ATRNL1: variants seen among roughly 807,000 people sequenced by gnomAD.
ATRNL1 encodes the protein attractin like 1.
Under a neutral mutation model 182.7 loss-of-function variants are expected in ATRNL1, and 95 were observed. The ratio of observed to expected loss-of-function variants is 0.52; its 90% confidence interval spans 0.44 to 0.62. The LOEUF is 0.62. Ranked by LOEUF, ATRNL1 falls within the 20% of genes least tolerant of loss-of-function variation. The pLI is 0.00. For missense variants in ATRNL1, 1,471 were observed against 1,679.5 expected (o/e 0.88, Z 2.17); for synonymous variants, 576 against 568.3 (o/e 1.01, Z -0.19).
chr10:115,430,095 C>T (rs1455779170), intron 21 of ATRNL1, among the ~76,000 whole-genome samples: 1 of 151,974 alleles, frequency 6.6e-6, no homozygotes, highest in Non-Finnish European at 1.5e-5. Flanking sequence ...AAAAAGTTTT[C>T]CATTCTATAT....
intron 27 of ATRNL1, among the ~76,000 whole-genome samples, chr10:115,845,247 C>A (rs1950900706): frequency 6.6e-6 from 1 of 151,902 alleles, no homozygotes; most frequent in Non-Finnish European, 1.5e-5. Context: ...AGTATAATCT[C>A]CTTTTATATA....
chr10:115,561,270 G>A (rs1485751682), intron 26 of ATRNL1, among the ~76,000 whole-genome samples: 1 of 152,120 alleles, frequency 6.6e-6, no homozygotes. Flanking sequence ...ATCTACATAT[G>A]CAAAGGACTC....
intron 26 of ATRNL1, among the ~76,000 whole-genome samples, chr10:115,568,689 T>C (rs1854210555): frequency 6.6e-6 from 1 of 151,946 alleles, no homozygotes; most frequent in Non-Finnish European, 1.5e-5. Context: ...GAAATTTGAT[T>C]TTGGAGTGTT....
chr10:115,344,468 A>AG (rs1855889690), intron 19 of ATRNL1, among the ~76,000 whole-genome samples: 1 of 152,058 alleles, frequency 6.6e-6, no homozygotes, highest in Admixed American at 6.6e-5. Context: ...TTAAGGCCTA[A>AG]GGGCTCTTAA....
intron 26 of ATRNL1, among the ~76,000 whole-genome samples, chr10:115,670,031 G>C (rs75687699): frequency 6.6e-6 from 1 of 152,060 alleles, no homozygotes; most frequent in South Asian, 2.1e-4. Flanking sequence ...AATACTTTGA[G>C]AGGGATTATA....
rs537038872 is a variant in ATRNL1, at chr10:115,882,845, T to C, written c.4018+34854T>C. Among the ~76,000 whole-genome samples, 5 of 152,348 alleles carry C rather than the reference T, an allele frequency of 3.3e-5. No homozygotes were observed. The East Asian group carries it at 7.7e-4, about 24-fold the overall frequency. ...CTACAGGTACTTCACCCTTGCCATA[T>C]AGCAAGCTTTTAGTGCTCCCTGCCT... On this transcript the variant is annotated intron_variant, in intron 28 of 28. Transcript: ENST00000355044.
At chr10:115,896,041 A>G (rs1030662172) in intron 28 of ATRNL1, among the ~76,000 whole-genome samples, 2 of 152,224 alleles carry the variant, frequency 1.3e-5, no homozygotes, top group African/African-American at 4.8e-5. Flanking sequence ...GAGCCCAGTT[A>G]GCGTCTTCTG....
intron 8 of ATRNL1, among the ~76,000 whole-genome samples, chr10:115,192,163 A>C (rs1195532429): frequency 6.6e-6 from 1 of 152,000 alleles, no homozygotes; most frequent in Non-Finnish European, 1.5e-5. Flanking sequence ...TACTCAAGAA[A>C]TCTGCCCAGA....
intron 27 of ATRNL1, among the ~76,000 whole-genome samples, chr10:115,750,633 A>G (rs1235563061): frequency 3.3e-5 from 5 of 151,986 alleles, no homozygotes; most frequent in Non-Finnish European, 5.9e-5. Flanking sequence ...ATTTAGAAAA[A>G]AAAACTTTTT....
chr10:115,807,973 T>A (rs1949960664), intron 27 of ATRNL1, among the ~76,000 whole-genome samples: 1 of 152,210 alleles, frequency 6.6e-6, no homozygotes, highest in South Asian at 2.1e-4. Flanking sequence ...TCCCTAGTTT[T>A]CAGGGGTTTG....
At chr10:115,720,069 G>A (rs1247863424) in intron 26 of ATRNL1, among the ~76,000 whole-genome samples, 6 of 151,988 alleles carry the variant, frequency 3.9e-5, no homozygotes, top group African/African-American at 1.4e-4. Flanking sequence ...CGTCATGTTG[G>A]CTAGGCTGGC....
intron 27 of ATRNL1, among the ~76,000 whole-genome samples, chr10:115,736,694 C>G (rs1017598568): frequency 1.7e-4 from 26 of 152,148 alleles, no homozygotes; most frequent in Admixed American, 3.9e-4. Flanking sequence ...CCAAGGGCCT[C>G]TCTTTATTCT....
Position 115,947,977 on chromosome 10 carries a change from G to A in ATRNL1, c.*3198G>A, listed in dbSNP as rs1953913838. The A allele has an allele frequency of 6.6e-6, 1 of 152,186 alleles. No homozygotes were observed. Among genetic ancestry groups the A allele is most frequent in the Admixed American group, 6.5e-5 (1 of 15,282 alleles). 9.4% of individuals were successfully genotyped at this position (152,186 alleles called of 1,614,324 possible). A position where few individuals can be genotyped will look rare whatever the true frequency, so the allele number is the denominator to read the frequency against. ...CAGCGTAGCTGGTATTAACAACCGT[G>A]GGGACACCAGGCCACTCTTTTTCTA... On this transcript the variant is annotated 3_prime_UTR_variant, in exon 29 of 29. Transcript: ENST00000355044.
Position 115,944,958 on chromosome 10 carries a change from G to A in ATRNL1, c.*179G>A. On this transcript the variant is annotated 3_prime_UTR_variant, in exon 29 of 29. Coordinates refer to ENST00000355044, the MANE Select transcript of ATRNL1 (RefSeq NM_207303.4). ...AAGAATGTTCATGAGTTTTATAAAA[G>A]TATTGATGGTCACAGGTGATAAAGT... The A allele has an allele frequency of 5.1e-6, 3 of 586,680 alleles. No homozygotes were observed. The highest frequency in any genetic ancestry group is 7.8e-6 in the Non-Finnish European group (3 of 383,986). The allele number at this position is 586,680 out of a possible 1,614,324, so 36.3% of individuals were successfully genotyped here. A position where few individuals can be genotyped will look rare whatever the true frequency, so the allele number is the denominator to read the frequency against.
chr10:115,174,856 T>C (rs1236331393), intron 8 of ATRNL1, among the ~76,000 whole-genome samples: 1 of 151,942 alleles, frequency 6.6e-6, no homozygotes, highest in Non-Finnish European at 1.5e-5. Flanking sequence ...ATTTGGCATA[T>C]AGTTTTTTTT....
intron 26 of ATRNL1, among the ~76,000 whole-genome samples, chr10:115,674,629 G>T (rs1167391900): frequency 6.6e-6 from 1 of 152,078 alleles, no homozygotes; most frequent in Non-Finnish European, 1.5e-5. Context: ...GTACTTAACT[G>T]TGTATTTGCC....
intron 28 of ATRNL1, among the ~76,000 whole-genome samples, chr10:115,919,517 A>T (rs1176657048): frequency 2.0e-5 from 3 of 152,106 alleles, no homozygotes; most frequent in African/African-American, 7.2e-5. Flanking sequence ...TTTAAAAATC[A>T]CAGTGAATGT....
intron 28 of ATRNL1, among the ~76,000 whole-genome samples, chr10:115,856,247 G>A (rs1555101948): frequency 6.6e-6 from 1 of 151,678 alleles, no homozygotes; most frequent in Non-Finnish European, 1.5e-5. Context: ...GGCCAACATA[G>A]TGAAATCCCG....
At chr10:115,635,211 GGAGT>G (rs1384015536) in intron 26 of ATRNL1, among the ~76,000 whole-genome samples, 1 of 151,696 alleles carries the variant, frequency 6.6e-6, no homozygotes, top group African/African-American at 2.4e-5. Flanking sequence ...AACAAGCAAT[GGAGT>G]GAGAGAAGGT....
Sources: allele counts gnomAD v4.1 joint callset (sites outside exome capture counted in the v4.1 genomes callset), GRCh38; gene constraint gnomAD v4.1.1; transcripts MANE v1.5; gene names NCBI Gene and HGNC (gene_info 2026-07-23, HGNC 2026-07-21).